GLI2: variants seen among roughly 807,000 people sequenced by gnomAD.
GLI2 encodes transcription activator GLI2.
A neutral mutation model predicts 78.9 loss-of-function variants in GLI2; 22 were observed. That is an observed-to-expected ratio of 0.28 (90% CI 0.20 to 0.40). The LOEUF is 0.40. Among genes scored for constraint, GLI2 ranks in the 10% least tolerant of loss-of-function variants. The pLI is 1.00. For missense variants in GLI2, 2,097 were observed against 2,213.2 expected (o/e 0.95, Z 1.05); for synonymous variants, 974 against 963.7 (o/e 1.01, Z -0.20).
In GLI2 at chr2:120,986,632, G is replaced by C; in HGVS notation, c.2242+18G>C. ...GGGAAGTGGTGAGTAAAGGCCTGGG[G>C]TTTGCAGATGGGGCAGAAGAGAGTC... On this transcript the variant is annotated intron_variant, in intron 13 of 13. Coordinates refer to ENST00000361492, the MANE Select transcript of GLI2 (RefSeq NM_001374353.1). The C allele has an allele frequency of 6.2e-7, 1 of 1,606,232 alleles. No homozygotes were observed. Among genetic ancestry groups the C allele is most frequent in the Non-Finnish European group, 8.5e-7 (1 of 1,173,188 alleles).
chr2:120,955,147 C>G lies in GLI2; in HGVS notation c.458-98C>G, dbSNP rs1411262391. 2.9e-4 allele frequency: 218 copies of G among 748,308 alleles called. 9 individuals carry two copies. The highest frequency in any genetic ancestry group is 3.9e-4 in the Non-Finnish European group (173 of 438,852). The allele number at this position is 748,308 out of a possible 1,614,324, so 46.4% of individuals were successfully genotyped here. On this transcript the variant is annotated intron_variant, in intron 4 of 13. Coordinates refer to ENST00000361492, the MANE Select transcript of GLI2 (RefSeq NM_001374353.1). ...ACCCCGACACCAGGTGTGCATTTCTCTCTGCCTTTTTTTTTTTTTTTTTTT... is the reference window on the plus strand; with the variant it reads ...ACCCCGACACCAGGTGTGCATTTCTGTCTGCCTTTTTTTTTTTTTTTTTTT...
chr2:120,844,574 G>A (rs563076887), intron 2 of GLI2, among the ~76,000 whole-genome samples: 3 of 152,264 alleles, frequency 2.0e-5, no homozygotes, highest in African/African-American at 4.8e-5. Flanking sequence ...CTGTAAAATG[G>A]GAAGGTTGGA....
At chr2:120,883,622 G>A (rs564071264) in intron 2 of GLI2, among the ~76,000 whole-genome samples, 6 of 152,352 alleles carry the variant, frequency 3.9e-5, no homozygotes, top group African/African-American at 1.4e-4. Context: ...GCAGTCTCAT[G>A]AGGGTAGTTA....
intron 1 of GLI2, among the ~76,000 whole-genome samples, chr2:120,751,371 A>G (rs1452947729): frequency 6.6e-6 from 1 of 151,212 alleles, no homozygotes; most frequent in Non-Finnish European, 1.5e-5. Context: ...CAGATTTTAG[A>G]TTGTATGGTT....
At chr2:120,874,576 A>G (rs954235963) in intron 2 of GLI2, among the ~76,000 whole-genome samples, 1 of 151,992 alleles carries the variant, frequency 6.6e-6, no homozygotes, top group Non-Finnish European at 1.5e-5. Flanking sequence ...TTGAATGTCT[A>G]CGGGTGGCAT....
At chr2:120,988,170 A>G (rs1371233364) in intron 13 of GLI2, 38 bp from the exon 14 acceptor site, 7 of 1,548,954 alleles carry the variant, frequency 4.5e-6, no homozygotes. Flanking sequence ...GCAGCCACCC[A>G]CCCTTGTCCC....
chr2:120,793,119 G>A (rs1215431404), intron 1 of GLI2, among the ~76,000 whole-genome samples: 3 of 152,252 alleles, frequency 2.0e-5, no homozygotes, highest in African/African-American at 4.8e-5. Flanking sequence ...GCTGTCACCA[G>A]TGCCCCTGCT....
At chr2:120,931,393 G>A (rs1679938392) in intron 3 of GLI2, among the ~76,000 whole-genome samples, 4 of 152,106 alleles carry the variant, frequency 2.6e-5, no homozygotes, top group African/African-American at 9.7e-5. Context: ...ATTGCCTTTC[G>A]GGCCTACTGG....
chr2:120,891,793 C>G (rs1463294369), intron 2 of GLI2, among the ~76,000 whole-genome samples: 2 of 152,196 alleles, frequency 1.3e-5, no homozygotes, highest in Non-Finnish European at 2.9e-5. Context: ...TGCACCCTGA[C>G]CCCACTGAAA....
chr2:120,903,872 G>A (rs923558697), intron 2 of GLI2, among the ~76,000 whole-genome samples: 15 of 152,312 alleles, frequency 9.8e-5, no homozygotes, highest in African/African-American at 2.4e-4. Flanking sequence ...TGAAGACCAG[G>A]AACTTATGAA....
chr2:120,954,230 T>C (rs1253682099), intron 4 of GLI2, among the ~76,000 whole-genome samples: 1 of 152,078 alleles, frequency 6.6e-6, no homozygotes, highest in African/African-American at 2.4e-5. Flanking sequence ...TCCGAGGCAG[T>C]GTTGGCCAGA....
chr2:120,960,325 C>G (rs1434907720), intron 5 of GLI2, among the ~76,000 whole-genome samples: 1 of 152,140 alleles, frequency 6.6e-6, no homozygotes, highest in African/African-American at 2.4e-5. Flanking sequence ...AGAGAACTTT[C>G]CAGAGGTTTT....
intron 2 of GLI2, among the ~76,000 whole-genome samples, chr2:120,883,114 A>G (rs1677233947): frequency 6.6e-6 from 1 of 152,190 alleles, no homozygotes; most frequent in South Asian, 2.1e-4. Flanking sequence ...TTGAGAGAGA[A>G]GTAATAGGTT....
At chr2:120,881,625 G>T in intron 2 of GLI2, among the ~76,000 whole-genome samples, 1 of 93,124 alleles carries the variant, frequency 1.1e-5, no homozygotes, top group Non-Finnish European at 2.2e-5. Context: ...AGGACAGGTG[G>T]GGGAGGACAG....
chr2:120,809,624 G>A (rs1296443668), intron 2 of GLI2, among the ~76,000 whole-genome samples: 1 of 152,156 alleles, frequency 6.6e-6, no homozygotes, highest in Non-Finnish European at 1.5e-5. Context: ...GTGGCGGCAT[G>A]GGGGCCTGGT....
At chr2:120,768,297 T>C (rs1165817382) in intron 1 of GLI2, among the ~76,000 whole-genome samples, 1 of 152,192 alleles carries the variant, frequency 6.6e-6, no homozygotes, top group South Asian at 2.1e-4. Context: ...GAGGAAGCAC[T>C]GAGCCAGAGA....
chr2:120,989,068 G>T lies in GLI2; in HGVS notation c.3103G>T (p.Asp1035Tyr), dbSNP rs746582228. Residue 1035 changes from aspartate (D) to tyrosine (Y), a missense_variant, in exon 14 of 14, where the codon GAC (aspartate) becomes TAC (tyrosine). This residue lies in a region of GLI2 where 1,290 missense variants were observed against 1,261.7 expected (regional missense o/e 1.02). Transcript: ENST00000361492. ...AGVDGAGPEA[D>Y]LGLPEDDLVL... ...AGTGGACGGCGCGGGGCCCGAGGCCGACCTGGGGCTGCCGGAGGACGACCT... is the reference window on the plus strand; with the variant it reads ...AGTGGACGGCGCGGGGCCCGAGGCCTACCTGGGGCTGCCGGAGGACGACCT... The T allele has an allele frequency of 1.2e-6, 2 of 1,610,954 alleles. No homozygotes were observed. The highest frequency in any genetic ancestry group is 1.7e-5 in the Admixed American group (1 of 60,008).
rs535131262 is a variant in GLI2 at position 120,755,221 on chromosome 2, G to A, written c.-31+18936G>A. 2.8e-3 allele frequency among the ~76,000 whole-genome samples: 421 copies of A among 152,258 alleles called. 3 individuals are homozygous for A. The highest frequency in any genetic ancestry group is 4.4e-3 in the Non-Finnish European group (300 of 68,020). On this transcript the variant is annotated intron_variant, in intron 1 of 13. Transcript: ENST00000361492. ...GTACCATTTTATATTCCCACCAATG[G>A]TATTTGAAAGTTCCATTCCTACCAC...
At chr2:120,959,614 G>A (rs999247009) in intron 5 of GLI2, among the ~76,000 whole-genome samples, 49 of 152,278 alleles carry the variant, frequency 3.2e-4, no homozygotes, top group African/African-American at 1.1e-3. Flanking sequence ...TCTAAGAGAC[G>A]CTGAACACAA....
Sources: gnomAD v4.1 joint callset for allele counts (sites outside exome capture counted in the v4.1 genomes callset) on GRCh38, gnomAD v4.1.1 for gene constraint, gnomAD v4.1.1 regional missense constraint, MANE v1.5 for transcripts, NCBI Gene and HGNC (gene_info 2026-07-23, HGNC 2026-07-21) for gene names.